CDH9: variants seen among roughly 807,000 people sequenced by gnomAD.
CDH9 encodes the protein cadherin 9.
A neutral mutation model predicts 70.9 loss-of-function variants in CDH9; 28 were observed. The ratio of observed to expected loss-of-function variants is 0.40; its 90% confidence interval spans 0.29 to 0.54. CDH9 has a LOEUF of 0.54. Among genes scored for constraint, CDH9 ranks in the 20% least tolerant of loss-of-function variants. The pLI is 0.59. For missense variants in CDH9, 874 were observed against 984.4 expected (o/e 0.89, Z 1.50); for synonymous variants, 409 against 343.1 (o/e 1.19, Z -2.12).
At chr5:26,967,245 C>A (rs1489518712) in intron 2 of CDH9, among the ~76,000 whole-genome samples, 5 of 152,106 alleles carry the variant, frequency 3.3e-5, no homozygotes, top group Non-Finnish European at 7.4e-5. Flanking sequence ...TAAGCCACTG[C>A]ACCTGGCTTG....
chr5:27,027,277 T>C (rs112985771), intron 1 of CDH9, among the ~76,000 whole-genome samples: 5 of 152,144 alleles, frequency 3.3e-5, no homozygotes, highest in South Asian at 2.1e-4. Context: ...TTGTGTGCTA[T>C]GTCAACTTAA....
chr5:27,017,901 G>A (rs1055228535), intron 1 of CDH9, among the ~76,000 whole-genome samples: 3 of 140,408 alleles, frequency 2.1e-5, no homozygotes, highest in African/African-American at 8.0e-5. Flanking sequence ...GATGTAGTAC[G>A]TATTTTAGTA....
rs980737296 is a variant in CDH9, at chr5:27,015,718, C to A, written c.-50+22745G>T. Among the ~76,000 whole-genome samples the A allele has an allele frequency of 9.2e-5, 14 of 151,602 alleles. No homozygotes were observed. The Admixed American group carries it at 9.2e-4, about 10-fold the overall frequency. On this transcript the variant is annotated intron_variant, in intron 1 of 11. Coordinates refer to ENST00000231021, the MANE Select transcript of CDH9 (RefSeq NM_016279.4). ...TGTTTCTGCTGCATAATATTATAAC[C>A]ATGCACTCTGCCAAACACTTCACAC...
rs1743318045 is a variant in CDH9, at chr5:27,031,956, A to G, written c.-50+6507T>C. 2.0e-5 allele frequency among the ~76,000 whole-genome samples: 3 copies of G among 151,916 alleles called. No homozygotes were observed. In the South Asian group the frequency reaches 6.2e-4, roughly 31 times the overall value. ...TTTTCTAAAATCACAAATGATTCCA[A>G]AGTTGAAACTTACTTTCCTATTTAA... On this transcript the variant is annotated intron_variant, in intron 1 of 11. Transcript: ENST00000231021.
intron 2 of CDH9, among the ~76,000 whole-genome samples, chr5:26,937,389 G>T (rs1741577802): frequency 6.6e-6 from 1 of 152,102 alleles, no homozygotes; most frequent in African/African-American, 2.4e-5. Context: ...AGGATTTGGA[G>T]CAATGAGAAC....
chr5:26,885,578 G>A lies in CDH9; in HGVS notation c.1882+36C>T, dbSNP rs201550672. On this transcript the variant is annotated intron_variant, in intron 11 of 11. Transcript: ENST00000231021. ...CTCAGACAGTGAGGGAGAGATTTTT[G>A]TGAGTTAAAGGATCATTCAGAGGGG... 1.2e-3 allele frequency: 1,933 copies of A among 1,584,236 alleles called. 3 individuals are homozygous for A. The highest frequency in any genetic ancestry group is 1.5e-3 in the Non-Finnish European group (1,732 of 1,155,854).
chr5:26,883,197 G>T (rs1370136884), intron 11 of CDH9, among the ~76,000 whole-genome samples: 1 of 148,996 alleles, frequency 6.7e-6, no homozygotes, highest in Non-Finnish European at 1.5e-5. Context: ...TTTGAGCCAT[G>T]CACTAGAAAA....
chr5:26,889,704 A>T (rs1740622998), intron 9 of CDH9, 132 bp downstream of exon 9: 2 of 553,846 alleles, frequency 3.6e-6, no homozygotes, highest in Non-Finnish European at 6.3e-6. Flanking sequence ...GTTCTTTGTT[A>T]AGGATAAATG....
At chr5:26,927,452 A>C (rs970065326) in intron 2 of CDH9, among the ~76,000 whole-genome samples, 8 of 152,020 alleles carry the variant, frequency 5.3e-5, no homozygotes, top group African/African-American at 1.9e-4. Context: ...TAATTAGGAT[A>C]GCTTTGGCTA....
At chr5:27,001,177 G>A (rs1225271751) in intron 1 of CDH9, among the ~76,000 whole-genome samples, 3 of 152,074 alleles carry the variant, frequency 2.0e-5, no homozygotes, top group Non-Finnish European at 4.4e-5. Context: ...AAGAATTCAG[G>A]CTGTAACAAG....
At chr5:26,956,036 C>A (rs1439298902) in intron 2 of CDH9, among the ~76,000 whole-genome samples, 2 of 152,152 alleles carry the variant, frequency 1.3e-5, no homozygotes, top group Non-Finnish European at 2.9e-5. Context: ...GTAAGAGATA[C>A]TTAGGCCACG....
At chr5:26,999,175 G>A (rs1742720976) in intron 1 of CDH9, among the ~76,000 whole-genome samples, 1 of 152,086 alleles carries the variant, frequency 6.6e-6, no homozygotes, top group Admixed American at 6.6e-5. Context: ...AACCCAAGAG[G>A]CAGAGGTTGC....
chr5:27,028,693 A>AT (rs1743261888), intron 1 of CDH9, among the ~76,000 whole-genome samples: 1 of 152,054 alleles, frequency 6.6e-6, no homozygotes, highest in Non-Finnish European at 1.5e-5. Context: ...TTTCAAGTAC[A>AT]TTTTTAGGTA....
intron 1 of CDH9, among the ~76,000 whole-genome samples, chr5:27,019,711 A>C (rs1419114925): frequency 1.3e-5 from 2 of 151,950 alleles, no homozygotes; most frequent in Non-Finnish European, 2.9e-5. Context: ...TTCAATTATG[A>C]AATACGTAAA....
intron 11 of CDH9, among the ~76,000 whole-genome samples, chr5:26,883,101 G>T (rs1193407798): frequency 9.9e-6 from 1 of 101,226 alleles, no homozygotes; most frequent in Admixed American, 1.2e-4. Context: ...ATATAAAACT[G>T]CAGTAAAAAT....
In CDH9 at chr5:26,881,171, C is replaced by G. The variant is rs368164243; in HGVS notation, c.2335G>C (p.Asp779His). 2 of 1,612,434 alleles carry G rather than the reference C, an allele frequency of 1.2e-6. No individual in the cohort carries two copies. The highest frequency in any genetic ancestry group is 1.7e-6 in the Non-Finnish European group (2 of 1,179,096). ...DWGPRFKKLADMYGGDDSDRD is the reference protein window; with the variant it reads ...DWGPRFKKLAHMYGGDDSDRD Reference sequence around the variant, plus strand: ...TCACTATCATCACCCCCATACATATCGGCAAGTTTTTTGAAACGAGGCCCC... The same window carrying G: ...TCACTATCATCACCCCCATACATATGGGCAAGTTTTTTGAAACGAGGCCCC... Residue 779 changes from aspartate (D) to histidine (H), a missense_variant, in exon 12 of 12, where the codon GAT becomes CAT. Transcript: ENST00000231021.
In CDH9 at chr5:26,893,839, T is replaced by C. The variant is rs556917341; in HGVS notation, c.1254-3275A>G. ...GCAAGTCATACTGAAATTTTTCTTTTAAACCTCTATTTCCAGTTGTGCTAA... is the reference window on the plus strand; with the variant it reads ...GCAAGTCATACTGAAATTTTTCTTTCAAACCTCTATTTCCAGTTGTGCTAA... On this transcript the variant is annotated intron_variant, in intron 7 of 11. Coordinates refer to ENST00000231021, the MANE Select transcript of CDH9 (RefSeq NM_016279.4). 1.7e-3 allele frequency among the ~76,000 whole-genome samples: 258 copies of C among 152,264 alleles called. 1 individual carries two copies. Among genetic ancestry groups the C allele is most frequent in the African/African-American group, 6.0e-3 (249 of 41,572 alleles).
chr5:26,896,516 A>C (rs566198374), intron 7 of CDH9, among the ~76,000 whole-genome samples: 1 of 136,128 alleles, frequency 7.3e-6, no homozygotes, highest in South Asian at 2.6e-4. Flanking sequence ...GAATAGAATG[A>C]AATGAAAATT....
chr5:26,883,980 G>A (rs549286005), intron 11 of CDH9, among the ~76,000 whole-genome samples: 2 of 152,036 alleles, frequency 1.3e-5, no homozygotes, highest in African/African-American at 4.8e-5. Flanking sequence ...CATTAACTAC[G>A]TCCAGCTATT....
Sources: allele counts gnomAD v4.1 joint callset (sites outside exome capture counted in the v4.1 genomes callset), GRCh38; gene constraint gnomAD v4.1.1; transcripts MANE v1.5; gene names NCBI Gene and HGNC (gene_info 2026-07-23, HGNC 2026-07-21).